MCU: variants seen among roughly 807,000 people sequenced by gnomAD.
The protein encoded by MCU is mitochondrial calcium uniporter.
Under a neutral mutation model 45.2 loss-of-function variants are expected in MCU, and 12 were observed. The ratio of observed to expected loss-of-function variants is 0.27; its 90% CI spans 0.17 to 0.43. The LOEUF is 0.43. MCU is among the 20% of genes least tolerant of loss of function. MCU has a pLI of 1.00. For synonymous variants in MCU, 160 were observed against 165.1 expected, an observed-to-expected ratio of 0.97 and a Z score of 0.24; for missense variants, 324 against 436.7, an observed-to-expected ratio of 0.74 and a Z score of 2.30.
At chr10:72,720,915 A>G (rs1275973846) in intron 1 of MCU, 1 of 152,212 alleles carries the variant, frequency 6.6e-6, no homozygotes, top group African/African-American at 2.4e-5. Context: ...GTCTTAATTC[A>G]GAACCAGGAA....
intron 1 of MCU, among the ~76,000 whole-genome samples, chr10:72,714,263 C>G (rs1015030863): frequency 6.7e-6 from 1 of 149,552 alleles, no homozygotes; most frequent in Non-Finnish European, 1.5e-5. Flanking sequence ...CCACGCCTGG[C>G]CAATTTTTTT....
chr10:72,830,820 C>T (rs774195691), intron 1 of MCU, among the ~76,000 whole-genome samples: 1 of 152,170 alleles, frequency 6.6e-6, no homozygotes, highest in African/African-American at 2.4e-5. Flanking sequence ...TGAGGAATGA[C>T]ACCTGTGGTC....
intron 1 of MCU, among the ~76,000 whole-genome samples, chr10:72,788,259 T>G (rs1406781523): frequency 6.6e-6 from 1 of 152,224 alleles, no homozygotes; most frequent in Admixed American, 6.5e-5. Context: ...CAATGACTGC[T>G]TTTCAGCAGC....
At chr10:72,805,692 C>T (rs1187934306) in intron 1 of MCU, among the ~76,000 whole-genome samples, 1 of 152,036 alleles carries the variant, frequency 6.6e-6, no homozygotes, top group Non-Finnish European at 1.5e-5. Flanking sequence ...TATAGAAAGT[C>T]CCTGTGGAAT....
chr10:72,768,547 G>A (rs183640628), intron 1 of MCU, among the ~76,000 whole-genome samples: 96 of 152,250 alleles, frequency 6.3e-4, no homozygotes, highest in African/African-American at 2.2e-3. Context: ...TCAGAAGGTT[G>A]CATAGAACTA....
At chr10:72,863,740 C>T (rs374528342) in intron 4 of MCU, among the ~76,000 whole-genome samples, 35 of 152,120 alleles carry the variant, frequency 2.3e-4, no homozygotes, top group African/African-American at 4.3e-4. Context: ...CCTCAGCCTC[C>T]CTGTAACTGG....
At chr10:72,794,836 GT>G (rs913103460) in intron 1 of MCU, among the ~76,000 whole-genome samples, 4 of 151,884 alleles carry the variant, frequency 2.6e-5, no homozygotes, top group African/African-American at 9.7e-5. Context: ...CCCACCTCCC[GT>G]TTGATAGGGT....
At chr10:72,775,160 A>T (rs1257179986) in intron 1 of MCU, among the ~76,000 whole-genome samples, 1 of 152,212 alleles carries the variant, frequency 6.6e-6, no homozygotes, top group Non-Finnish European at 1.5e-5. Context: ...AACAAGTCTG[A>T]AGAAATTTTT....
chr10:72,801,353 CTTTTT>C (rs200952818), intron 1 of MCU, among the ~76,000 whole-genome samples: 4 of 100,416 alleles, frequency 4.0e-5, no homozygotes, highest in East Asian at 3.1e-4. Context: ...ATAATGCTTT[CTTTTT>C]TTTTTTTTTT....
intron 1 of MCU, among the ~76,000 whole-genome samples, chr10:72,704,704 A>ATTT (rs1162093579): frequency 5.6e-5 from 6 of 106,742 alleles, no homozygotes; most frequent in South Asian, 3.0e-4. Context: ...TGCCTGGATA[A>ATTT]TTTTTTTTTT....
chr10:72,794,971 G>GA (rs1224383226), intron 1 of MCU, among the ~76,000 whole-genome samples: 1 of 151,816 alleles, frequency 6.6e-6, no homozygotes, highest in Middle Eastern at 3.2e-3. Context: ...TGGATTGAAT[G>GA]AAAAAAATGT....
chr10:72,755,581 T>G (rs1262131276), intron 1 of MCU, among the ~76,000 whole-genome samples: 1 of 152,256 alleles, frequency 6.6e-6, no homozygotes. Flanking sequence ...AATAGTGCCT[T>G]GCGCATAAAT....
intron 2 of MCU, among the ~76,000 whole-genome samples, chr10:72,835,877 C>T (rs1564570298): frequency 6.6e-6 from 1 of 152,148 alleles, no homozygotes; most frequent in Non-Finnish European, 1.5e-5. Flanking sequence ...TCAGTATGTA[C>T]CCAGATAACA....
intron 1 of MCU, among the ~76,000 whole-genome samples, chr10:72,696,776 A>G (rs1468076009): frequency 1.3e-5 from 2 of 152,116 alleles, no homozygotes; most frequent in Non-Finnish European, 2.9e-5. Flanking sequence ...GGGAAAAGAT[A>G]TGCCCTTTAT....
At chr10:72,717,127 C>CTTTT (rs71021527) in intron 1 of MCU, among the ~76,000 whole-genome samples, 24 of 138,412 alleles carry the variant, frequency 1.7e-4, no homozygotes, top group African/African-American at 6.4e-4. Flanking sequence ...CTCTCTCTCT[C>CTTTT]TTTTTTTTTT....
chr10:72,856,810 G>T (rs539577236), intron 2 of MCU, among the ~76,000 whole-genome samples: 34 of 4,828 alleles, frequency 7.0e-3, no homozygotes, highest in Non-Finnish European at 7.5e-3. Flanking sequence ...TGGCATGGTG[G>T]TGCACGCCTG....
intron 1 of MCU, among the ~76,000 whole-genome samples, chr10:72,745,576 C>G (rs1054764571): frequency 1.3e-5 from 2 of 152,180 alleles, no homozygotes; most frequent in Non-Finnish European, 2.9e-5. Flanking sequence ...ATGCTTCTTT[C>G]ATCACAGGGA....
chr10:72,793,488 T>G lies in MCU; in HGVS notation c.151-40871T>G, dbSNP rs1217574950. On this transcript the variant is annotated intron_variant, in intron 1 of 7. Coordinates refer to ENST00000373053, the MANE Select transcript of MCU (RefSeq NM_138357.3). ...GCAGGAATATACTGGGTTCTGGTTA[T>G]CTGTTGCTTTGTAATAAATCAGAAT... 2.6e-5 allele frequency among the ~76,000 whole-genome samples: 4 copies of G among 152,178 alleles called. No homozygotes were observed. The East Asian group carries it at 7.7e-4, about 29-fold the overall frequency.
chr10:72,867,348 C>T (rs1246164918), intron 4 of MCU, among the ~76,000 whole-genome samples: 1 of 151,930 alleles, frequency 6.6e-6, no homozygotes, highest in African/African-American at 2.4e-5. Flanking sequence ...TTATTTGATT[C>T]TGAAAACATA....
Sources: allele counts gnomAD v4.1 joint callset (sites outside exome capture counted in the v4.1 genomes callset), GRCh38; gene constraint gnomAD v4.1.1; transcripts MANE v1.5; gene names NCBI Gene and HGNC (gene_info 2026-07-23, HGNC 2026-07-21).